The following ECM2 variants were observed in gnomAD, a reference collection of about 807,000 sequenced individuals.
The protein encoded by ECM2 is extracellular matrix protein 2, also known as extracellular matrix protein 2, female organ and adipocyte specific.
Under a neutral mutation model 67.5 loss-of-function variants are expected in ECM2, and 57 were observed. That is an observed-to-expected ratio of 0.84 (90% CI 0.68 to 1.05). The LOEUF (loss-of-function observed/expected upper bound fraction) is 1.05. ECM2 is among the 50% of genes least tolerant of loss of function. The pLI is 0.00. For synonymous variants in ECM2, 258 were observed against 294.5 expected (o/e 0.88, Z 1.27); for missense variants, 741 against 822.8 (o/e 0.90, Z 1.22).
chr9:92,550,491 GA>G, the ECM2 span, among the ~76,000 whole-genome samples: 132 of 151,938 alleles, frequency 8.7e-4, no homozygotes, highest in African/African-American at 3.1e-3. Flanking sequence ...TTGTTTTTGA[GA>G]ATTAAAATAA....
In ECM2 at chr9:92,522,677, C is replaced by G. The variant is rs1230862089; in HGVS notation, c.190G>C (p.Val64Leu). ...GIQQTTVFTP[V>L]ARLPIVNFDY... ...AAGTTAACAATAGGAAGTCTTGCTA[C>G]TGGTGTAAAAACTGTTGTTTGCTGA... Residue 64 changes from valine (V) to leucine (L), a missense_variant, in exon 2 of 10, where the codon GTA becomes CTA. Coordinates refer to ENST00000344604, the MANE Select transcript of ECM2 (RefSeq NM_001393.4). 2 of 1,613,992 alleles carry G rather than the reference C, an allele frequency of 1.2e-6. No homozygotes were observed. The highest frequency in any genetic ancestry group is 8.5e-7 in the Non-Finnish European group (1 of 1,180,000).
chr9:92,544,799 T>G, the ECM2 span, among the ~76,000 whole-genome samples: 1 of 148,112 alleles, frequency 6.8e-6, no homozygotes, highest in East Asian at 2.2e-4. Context: ...CACTGCAACC[T>G]CCGCCTCTCG....
chr9:92,522,577 G>A lies in ECM2; in HGVS notation c.290C>T (p.Pro97Leu). The change falls in exon 2 of 10, where the codon CCA becomes CTA. Residue 97 changes from proline (P) to leucine (L), a missense_variant and splice_region_variant. By Grantham distance (98) the Pro-to-Leu change is moderately conservative (BLOSUM62 -3). Coordinates refer to ENST00000344604, the MANE Select transcript of ECM2 (RefSeq NM_001393.4). ...TCTCTCTCATAGTGTTCTCTTACCTGGTAACACATTATAACTTGATTCTAC... is the reference window on the plus strand; with the variant it reads ...TCTCTCTCATAGTGTTCTCTTACCTAGTAACACATTATAACTTGATTCTAC... ...PGVESSYNVL[P>L]GKKGHCLVKG... 1 of 1,607,390 alleles carries A rather than the reference G, an allele frequency of 6.2e-7. No individual in the cohort carries two copies.
chr9:92,508,225 G>C (rs1847120838), intron 6 of ECM2, among the ~76,000 whole-genome samples: 1 of 152,222 alleles, frequency 6.6e-6, no homozygotes, highest in Non-Finnish European at 1.5e-5. Context: ...GTAGCTCTTA[G>C]AACTCAGCCC....
intron 1 of ECM2, among the ~76,000 whole-genome samples, chr9:92,533,748 G>T (rs1323605913): frequency 6.6e-6 from 1 of 152,026 alleles, no homozygotes; most frequent in Non-Finnish European, 1.5e-5. Flanking sequence ...ATCTGAAAAT[G>T]TCATTGTTTA....
chr9:92,530,463 T>C (rs767516806), intron 1 of ECM2, among the ~76,000 whole-genome samples: 17 of 152,224 alleles, frequency 1.1e-4, no homozygotes, highest in Non-Finnish European at 2.1e-4. Flanking sequence ...AAGTAATTAA[T>C]ATTTTTTAAT....
chr9:92,539,870 G>C (rs931958815), upstream of ECM2, among the ~76,000 whole-genome samples: 2 of 152,110 alleles, frequency 1.3e-5, no homozygotes, highest in Non-Finnish European at 2.9e-5. Flanking sequence ...CATTTGGGTT[G>C]TTTCCCCTTT....
At chr9:92,513,321 A>G (rs967218506) in intron 4 of ECM2, among the ~76,000 whole-genome samples, 2 of 152,244 alleles carry the variant, frequency 1.3e-5, no homozygotes, top group Non-Finnish European at 2.9e-5. Context: ...AAGTGCGGGC[A>G]GGCTGCAGAG....
chr9:92,557,290 A>G, the ECM2 span, among the ~76,000 whole-genome samples: 2 of 152,158 alleles, frequency 1.3e-5, no homozygotes, highest in Non-Finnish European at 2.9e-5. Context: ...ACCTGATGAC[A>G]GTGTGCCTAG....
the ECM2 span, among the ~76,000 whole-genome samples, chr9:92,551,964 GTGTGATATATATGTGTGTGTATATA>G: frequency 2.8e-5 from 3 of 105,558 alleles, 1 homozygote; most frequent in African/African-American, 1.8e-4. Flanking sequence ...ATATATATAT[GTGTGATATATATGTGTGTGTATATA>G]TGTGATATAT....
Position 92,522,668 on chromosome 9 carries a change from G to A in ECM2, c.199C>T (p.Leu67Phe), listed in dbSNP as rs1337789381. 5 of 1,613,998 alleles carry A rather than the reference G, an allele frequency of 3.1e-6. No homozygotes were observed. The highest frequency in any genetic ancestry group is 3.3e-5 in the Admixed American group (2 of 59,992). The change falls in exon 2 of 10, where the codon CTT becomes TTT. Residue 67 changes from leucine (L) to phenylalanine (F), a missense_variant. By Grantham distance (22) the Leu-to-Phe change is conservative. Transcript: ENST00000344604. ...CTATAATCAAAGTTAACAATAGGAAGTCTTGCTACTGGTGTAAAAACTGTT... is the reference window on the plus strand; with the variant it reads ...CTATAATCAAAGTTAACAATAGGAAATCTTGCTACTGGTGTAAAAACTGTT... ...QTTVFTPVAR[L>F]PIVNFDYSME...
intron 6 of ECM2, among the ~76,000 whole-genome samples, chr9:92,506,621 G>A (rs971619625): frequency 2.6e-5 from 4 of 152,146 alleles, no homozygotes; most frequent in East Asian, 1.9e-4. Context: ...CAGCAAAGAC[G>A]GTTGCATCAG....
chr9:92,493,628 A>G (rs1846232138), downstream of ECM2: 1 of 152,720 alleles, frequency 6.5e-6, no homozygotes, highest in Admixed American at 6.5e-5. Flanking sequence ...GAAGCCAAAC[A>G]GAACATCTGT....
chr9:92,533,303 CAAAAAAAAAAAAA>C (rs1174584000), intron 1 of ECM2, among the ~76,000 whole-genome samples: 12 of 29,886 alleles, frequency 4.0e-4, no homozygotes, highest in Admixed American at 5.8e-4. Context: ...CGGTCTCAAA[CAAAAAAAAAAAAA>C]AAAAAAAAAA....
intron 3 of ECM2, among the ~76,000 whole-genome samples, chr9:92,516,328 G>C (rs548250125): frequency 6.1e-4 from 93 of 152,240 alleles, no homozygotes; most frequent in African/African-American, 2.1e-3. Context: ...CTCCCAAAGT[G>C]CTGGGATTAC....
upstream of ECM2, among the ~76,000 whole-genome samples, chr9:92,540,100 T>G (rs1471389170): frequency 5.9e-5 from 9 of 152,206 alleles, no homozygotes; most frequent in African/African-American, 2.2e-4. Context: ...GTTTTCTATA[T>G]CCAATACTGA....
At chr9:92,514,562 A>G in intron 4 of ECM2, 69 bp downstream of exon 4, 1 of 1,514,812 alleles carries the variant, frequency 6.6e-7, no homozygotes, top group Non-Finnish European at 8.8e-7. Context: ...GGCGTGAGCC[A>G]CCGTGCCCAG....
the ECM2 span, among the ~76,000 whole-genome samples, chr9:92,558,752 C>T: frequency 6.6e-6 from 1 of 151,940 alleles, no homozygotes; most frequent in African/African-American, 2.4e-5. Context: ...AGGAAAGGAC[C>T]ATCAGGTGGG....
chr9:92,497,873 TTA>T (rs1491494505), intron 9 of ECM2, among the ~76,000 whole-genome samples: 4 of 104,216 alleles, frequency 3.8e-5, no homozygotes, highest in African/African-American at 7.1e-5. Context: ...AGCTGGTTGT[TTA>T]AAAAAAAAAA....
Sources: gnomAD v4.1 joint callset for allele counts (sites outside exome capture counted in the v4.1 genomes callset) on GRCh38, gnomAD v4.1.1 for gene constraint, MANE v1.5 for transcripts, NCBI Gene and HGNC (gene_info 2026-07-23, HGNC 2026-07-21) for gene names.